IGF2R: variants seen among roughly 807,000 people sequenced by gnomAD.
The protein encoded by IGF2R is insulin like growth factor 2 receptor, also known as cation-independent mannose-6-phosphate receptor.
A neutral mutation model predicts 270.6 loss-of-function variants in IGF2R; 91 were observed. The ratio of observed to expected loss-of-function variants is 0.34; its 90% CI spans 0.28 to 0.40. IGF2R has a LOEUF of 0.40. Ranked by LOEUF, IGF2R falls within the 10% of genes least tolerant of loss-of-function variation. IGF2R has a pLI of 1.00. For synonymous variants in IGF2R, 1,316 were observed against 1,258.9 expected, an observed-to-expected ratio of 1.05 and a Z score of -0.96; for missense variants, 2,805 against 3,188.3, an observed-to-expected ratio of 0.88 and a Z score of 2.90.
At chr6:160,044,680 A>G in intron 13 of IGF2R, 23 bp downstream of exon 13, 1 of 1,584,550 alleles carries the variant, frequency 6.3e-7, no homozygotes, top group Non-Finnish European at 8.6e-7. Flanking sequence ...AAAAAGATGA[A>G]ATCTTTTCTG....
In IGF2R at chr6:160,075,926, C is replaced by T; in HGVS notation, c.5246C>T (p.Pro1749Leu). ...TACTTGAATTTTGAAAGCAGTACTC[C>T]TTGCTTAGCGGACAAGCATTTCAAC... is the stretch of plus-strand genomic sequence containing the variant. The part of the protein sequence containing the change: ...EIYLNFESST[P>L]CLADKHFNYT... The change falls in exon 36 of 48, where the codon CCT (proline) becomes CTT (leucine). Residue 1749 changes from proline to leucine, a missense_variant. Coordinates refer to ENST00000356956, the MANE Select transcript of IGF2R (RefSeq NM_000876.4). 6.2e-7 allele frequency: 1 copy of T among 1,614,014 alleles called. No homozygotes were observed. Among genetic ancestry groups the T allele is most frequent in the Non-Finnish European group, 8.5e-7 (1 of 1,179,850 alleles).
Position 160,080,289 on chromosome 6 carries a change from C to T in IGF2R, c.5833+14C>T. 6.2e-7 allele frequency: 1 copy of T among 1,610,672 alleles called. No individual in the cohort carries two copies. On this transcript the variant is annotated intron_variant, in intron 39 of 47. Coordinates refer to ENST00000356956, the MANE Select transcript of IGF2R (RefSeq NM_000876.4). ...TCTGCAGACACTGTGAGTAGGACGG[C>T]TCCGCGTCCCCACATGGCCTGGGGC...
chr6:160,028,243 G>A (rs183825931), intron 6 of IGF2R, among the ~76,000 whole-genome samples: 1 of 152,284 alleles, frequency 6.6e-6, no homozygotes, highest in African/African-American at 2.4e-5. Flanking sequence ...TCTTCACGTG[G>A]CCTTCCCTCT....
chr6:160,027,221 G>T lies in IGF2R; in HGVS notation c.683G>T (p.Cys228Phe). ...GACCCAGGTTCACAGCTGCGGGCCT[G>T]TCCCCCCGGCACTGCCGCCTGCCTG... is the stretch of plus-strand genomic sequence containing the variant. ...LRDPGSQLRA[C>F]PPGTAACLVR... The change falls in exon 6 of 48, where the codon TGT becomes TTT. Residue 228 changes from cysteine (C) to phenylalanine (F), a missense_variant. Physicochemically the swap from Cys to Phe is radical, Grantham distance 205. Transcript: ENST00000356956. 1 of 1,614,230 alleles carries T rather than the reference G, an allele frequency of 6.2e-7. No individual in the cohort carries two copies. The highest frequency in any genetic ancestry group is 8.5e-7 in the Non-Finnish European group (1 of 1,180,038).
intron 12 of IGF2R, among the ~76,000 whole-genome samples, chr6:160,043,654 G>A (rs1777998194): frequency 6.6e-6 from 1 of 152,214 alleles, no homozygotes; most frequent in Admixed American, 6.5e-5. Flanking sequence ...CAAAAGTTAT[G>A]GCTTGAGTGA....
chr6:160,084,707 C>T lies in IGF2R; in HGVS notation c.6069-288C>T, dbSNP rs890729535. 2.0e-5 allele frequency among the ~76,000 whole-genome samples: 3 copies of T among 152,208 alleles called. No homozygotes were observed. Among genetic ancestry groups the T allele is most frequent in the African/African-American group, 7.2e-5 (3 of 41,448 alleles). On this transcript the variant is annotated intron_variant, in intron 40 of 47. Coordinates refer to ENST00000356956, the MANE Select transcript of IGF2R (RefSeq NM_000876.4). The surrounding 1 kb of genome is among the most constrained non-coding windows in gnomAD (Gnocchi z 4.6). ...CCGAGATTCTAGCCACTGCCTCTCC[C>T]AGCCCCGGAGCCCTTCTTTCTACTG...
intron 45 of IGF2R, among the ~76,000 whole-genome samples, chr6:160,100,721 TCCC>T (rs1779465833): frequency 3.7e-4 from 7 of 18,772 alleles, no homozygotes; most frequent in African/African-American, 1.1e-3. Flanking sequence ...GTCAGCAATT[TCCC>T]TTTTTTTTTT....
intron 1 of IGF2R, among the ~76,000 whole-genome samples, chr6:159,990,880 G>A (rs1053680861): frequency 2.0e-5 from 3 of 152,092 alleles, no homozygotes; most frequent in Non-Finnish European, 2.9e-5. Flanking sequence ...CACCCACCTC[G>A]GCCTCCCAAA....
intron 9 of IGF2R, 102 bp from the exon 10 acceptor site, chr6:160,034,317 T>G: frequency 1.5e-6 from 1 of 688,166 alleles, no homozygotes; most frequent in East Asian, 2.6e-5. Flanking sequence ...CGTAGTGATT[T>G]GTTGATGCTA....
intron 4 of IGF2R, among the ~76,000 whole-genome samples, chr6:160,023,163 G>T (rs1022440183): frequency 3.3e-5 from 5 of 152,152 alleles, no homozygotes. Flanking sequence ...ACTATTGCAG[G>T]CAAGAGATTA....
chr6:160,018,182 A>G (rs1777348357), intron 4 of IGF2R, among the ~76,000 whole-genome samples: 1 of 152,204 alleles, frequency 6.6e-6, no homozygotes. Flanking sequence ...TTCCAGGCAA[A>G]TGGAAATCAA....
At chr6:160,047,125 G>C (rs774099506) in intron 15 of IGF2R, 34 bp from the exon 16 acceptor site, 31 of 1,607,932 alleles carry the variant, frequency 1.9e-5, no homozygotes, top group Non-Finnish European at 2.3e-5. Context: ...CTGCCCCTCA[G>C]GTCTTTGCTG....
Position 160,029,616 on chromosome 6 carries a change from G to T in IGF2R, c.843G>T (p.Ala281=). 1.2e-6 allele frequency: 2 copies of T among 1,613,898 alleles called. No homozygotes were observed. Among genetic ancestry groups the T allele is most frequent in the Non-Finnish European group, 1.7e-6 (2 of 1,179,798 alleles). ...ACTTTTGTGATGGTCACAGCCCTGC[G>T]GTGACTATTACATTTGTTTGCCCGT... ...KLDFCDGHSP[A]VTITFVCPSE... is the part of the protein sequence containing the mutation. The change falls in exon 7 of 48, where the codon GCG becomes GCT. Residue 281 remains alanine (A), a synonymous_variant. Coordinates refer to ENST00000356956, the MANE Select transcript of IGF2R (RefSeq NM_000876.4).
At chr6:160,099,516 G>A (rs908009066) in intron 45 of IGF2R, among the ~76,000 whole-genome samples, 14 of 152,202 alleles carry the variant, frequency 9.2e-5, no homozygotes, top group African/African-American at 3.1e-4. Flanking sequence ...ACAGGGGCCC[G>A]CTACCATGCC....
chr6:159,991,464 A>T (rs1783978686), intron 2 of IGF2R, 141 bp downstream of exon 2: 1 of 689,590 alleles, frequency 1.5e-6, no homozygotes, highest in African/African-American at 1.8e-5. Flanking sequence ...TACATAATAC[A>T]CATTTGTTAG....
chr6:160,027,424 A>G (rs1021617260), intron 6 of IGF2R, 110 bp downstream of exon 6: 11 of 1,227,966 alleles, frequency 9.0e-6, no homozygotes, highest in African/African-American at 1.5e-5. Context: ...TAGTCCCTGC[A>G]GCATTGCTGC....
chr6:159,980,210 A>AGAAGGAAAGAAGGAAAGAAG (rs1554234618), intron 1 of IGF2R, among the ~76,000 whole-genome samples: 2 of 95,064 alleles, frequency 2.1e-5, no homozygotes, highest in African/African-American at 9.1e-5. Flanking sequence ...AAAGAAAGAA[A>AGAAGGAAAGAAGGAAAGAAG]GAAAGAAAGA....
chr6:160,043,697 G>A (rs545035036), intron 12 of IGF2R, among the ~76,000 whole-genome samples: 8 of 152,220 alleles, frequency 5.3e-5, no homozygotes, highest in Non-Finnish European at 1.0e-4. Context: ...TAGTGTAAGA[G>A]GGGCTTGCAT....
At chr6:160,056,846 A>G (rs912228529) in intron 20 of IGF2R, among the ~76,000 whole-genome samples, 3 of 152,046 alleles carry the variant, frequency 2.0e-5, no homozygotes, top group African/African-American at 7.2e-5. Context: ...CAGATGTCTG[A>G]CTAGTCGATA....
Sources: gnomAD v4.1 joint callset for allele counts (sites outside exome capture counted in the v4.1 genomes callset) on GRCh38, gnomAD v4.1.1 for gene constraint, Gnocchi (gnomAD v3.1) non-coding constraint, MANE v1.5 for transcripts, NCBI Gene and HGNC (gene_info 2026-07-23, HGNC 2026-07-21) for gene names.